PLEKHA5: variants seen among roughly 807,000 people sequenced by gnomAD.
The protein encoded by PLEKHA5 is pleckstrin homology domain containing A5, also known as pleckstrin homology domain-containing family A member 5.
Under a neutral mutation model 181.9 loss-of-function variants are expected in PLEKHA5, and 55 were observed. The observed-to-expected ratio is 0.30, with a 90% CI of 0.24 to 0.38. The LOEUF is 0.38. PLEKHA5 is among the 10% of genes least tolerant of loss of function. The pLI is 1.00. For synonymous variants in PLEKHA5, 535 were observed against 529.4 expected (o/e 1.01, Z -0.15); for missense variants, 1,432 against 1,549.5 (o/e 0.92, Z 1.27).
intron 15 of PLEKHA5, among the ~76,000 whole-genome samples, chr12:19,298,443 G>C (rs1437338633): frequency 1.8e-5 from 2 of 112,944 alleles, no homozygotes; most frequent in Non-Finnish European, 3.3e-5. Context: ...ACCTATCTCA[G>C]TGCTAACTGG....
At chr12:19,265,650 T>C (rs1260987306) in intron 7 of PLEKHA5, 100 bp from the exon 8 acceptor site, 2 of 677,074 alleles carry the variant, frequency 3.0e-6, no homozygotes, top group Admixed American at 5.0e-5. Context: ...TATAGTTCAT[T>C]TATGTACAAG....
At position 19,283,785 on chromosome 12, in the gene PLEKHA5, T is replaced by C. The variant is rs755842970; in HGVS notation, c.1779+40T>C. On this transcript the variant is annotated intron_variant, in intron 12 of 31. Transcript: ENST00000429027. ...GATTTTGTGTTAACTCACTACCTTA[T>C]AAATGCTGTGTTTTCTTTCTAGTAT... The C allele has an allele frequency of 9.5e-6, 12 of 1,265,692 alleles. No individual in the cohort carries two copies. In the South Asian group the frequency reaches 1.1e-4, roughly 12 times the overall value. The allele number at this position is 1,265,692 out of a possible 1,614,324, so 78.4% of individuals were successfully genotyped here.
In PLEKHA5 at chr12:19,298,278, A is replaced by G. The variant is rs181443737; in HGVS notation, c.2037+6581A>G. On this transcript the variant is annotated intron_variant, in intron 15 of 31. Coordinates refer to ENST00000429027, the MANE Select transcript of PLEKHA5 (RefSeq NM_001256470.2). Reference sequence around the variant, plus strand: ...CAGGATATGAAATAATAATAATGGCAGAACTGTAAGACTAAATGGATAATG... The same window carrying G: ...CAGGATATGAAATAATAATAATGGCGGAACTGTAAGACTAAATGGATAATG... Among the ~76,000 whole-genome samples, 36 of 152,266 alleles carry G rather than the reference A, an allele frequency of 2.4e-4. No individual in the cohort carries two copies. In the East Asian group the frequency reaches 6.9e-3, roughly 29 times the overall value.
chr12:19,340,718 G>A (rs1358219129), intron 21 of PLEKHA5, among the ~76,000 whole-genome samples: 1 of 145,722 alleles, frequency 6.9e-6, no homozygotes, highest in Non-Finnish European at 1.5e-5. Context: ...TAAGGGTGGT[G>A]CAAGATGTGC....
At chr12:19,269,925 C>T (rs1239681530) in intron 9 of PLEKHA5, 40 bp downstream of exon 9, 2 of 1,006,990 alleles carry the variant, frequency 2.0e-6, no homozygotes, top group East Asian at 2.4e-5. Context: ...TTTCCACTTC[C>T]ATTTTATTCC....
At chr12:19,184,072 G>A (rs1016519849) in intron 3 of PLEKHA5, among the ~76,000 whole-genome samples, 15 of 152,112 alleles carry the variant, frequency 9.9e-5, no homozygotes, top group African/African-American at 3.4e-4. Context: ...CCTATGGATG[G>A]ACTGTTGTTT....
intron 3 of PLEKHA5, chr12:19,153,864 G>T (rs76700768): frequency 1.3e-5 from 2 of 152,166 alleles, no homozygotes; most frequent in African/African-American, 4.8e-5. Context: ...TGATAGCAAG[G>T]TTGGTCTAGC....
At chr12:19,273,509 A>C (rs1330525812) in intron 10 of PLEKHA5, among the ~76,000 whole-genome samples, 3 of 152,138 alleles carry the variant, frequency 2.0e-5, no homozygotes, top group Non-Finnish European at 4.4e-5. Flanking sequence ...TTCTGATAGA[A>C]GCATTTTTAT....
chr12:19,217,865 G>A (rs2058242402), intron 3 of PLEKHA5, among the ~76,000 whole-genome samples: 1 of 152,110 alleles, frequency 6.6e-6, no homozygotes, highest in East Asian at 1.9e-4. Context: ...TAAATTTGAG[G>A]ACTTAACAAT....
chr12:19,202,365 G>A (rs1261014396), intron 3 of PLEKHA5, among the ~76,000 whole-genome samples: 1 of 152,056 alleles, frequency 6.6e-6, no homozygotes, highest in Non-Finnish European at 1.5e-5. Context: ...AGTGCTAGCT[G>A]TCATTCATCA....
intron 3 of PLEKHA5, among the ~76,000 whole-genome samples, chr12:19,164,301 C>T (rs1275663810): frequency 6.7e-6 from 1 of 149,100 alleles, no homozygotes; most frequent in African/African-American, 2.5e-5. Flanking sequence ...CGGGTTCAAG[C>T]GATTCTCCTG....
intron 3 of PLEKHA5, among the ~76,000 whole-genome samples, chr12:19,216,850 C>G: frequency 6.6e-6 from 1 of 152,098 alleles, no homozygotes; most frequent in Non-Finnish European, 1.5e-5. Flanking sequence ...GATTGTCTGC[C>G]TGCTACTGTT....
chr12:19,160,049 T>C (rs1292327113), intron 3 of PLEKHA5, among the ~76,000 whole-genome samples: 1 of 152,152 alleles, frequency 6.6e-6, no homozygotes, highest in Admixed American at 6.5e-5. Context: ...CCCATATAGC[T>C]CTCATTTTAG....
At chr12:19,270,253 C>G in intron 10 of PLEKHA5, 48 bp downstream of exon 10, 1 of 1,035,996 alleles carries the variant, frequency 9.7e-7, no homozygotes, top group Non-Finnish European at 1.4e-6. Context: ...GATTTTTATC[C>G]TTTGAGATAG....
intron 15 of PLEKHA5, among the ~76,000 whole-genome samples, chr12:19,303,206 C>G (rs1418960036): frequency 6.8e-6 from 1 of 147,192 alleles, no homozygotes; most frequent in Non-Finnish European, 1.5e-5. Flanking sequence ...CATCCAGCCT[C>G]TAGATTATTA....
At chr12:19,252,536 A>G (rs1043527702) in intron 3 of PLEKHA5, among the ~76,000 whole-genome samples, 1 of 152,178 alleles carries the variant, frequency 6.6e-6, no homozygotes, top group Non-Finnish European at 1.5e-5. Context: ...TCAAGAAGAC[A>G]GTTGAAGACC....
chr12:19,334,829 A>AAAAAAAATAT, intron 20 of PLEKHA5, among the ~76,000 whole-genome samples: 2 of 18,608 alleles, frequency 1.1e-4, no homozygotes, highest in Non-Finnish European at 1.4e-4. Context: ...AAAAAAAAAA[A>AAAAAAAATAT]ATATATATAT....
chr12:19,181,865 G>A (rs375589870), intron 3 of PLEKHA5, among the ~76,000 whole-genome samples: 8 of 152,126 alleles, frequency 5.3e-5, no homozygotes, highest in African/African-American at 1.9e-4. Context: ...TTTGCTGATT[G>A]GGACAATTTG....
intron 26 of PLEKHA5, among the ~76,000 whole-genome samples, chr12:19,357,828 C>T (rs149532837): frequency 0.011 from 1,619 of 151,962 alleles, 35 homozygotes; most frequent in African/African-American, 0.037. Flanking sequence ...TTGGTAGAGA[C>T]GGGTTTTTAC....
Sources: allele counts gnomAD v4.1 joint callset (sites outside exome capture counted in the v4.1 genomes callset), GRCh38; gene constraint gnomAD v4.1.1; transcripts MANE v1.5; gene names NCBI Gene and HGNC (gene_info 2026-07-23, HGNC 2026-07-21).